Variants in WDR72 observed in about 807,000 individuals in gnomAD.
WDR72 encodes the protein WD repeat domain 72.
In WDR72, 120 loss-of-function variants were observed where a neutral mutation model predicts 124.2. The ratio of observed to expected loss-of-function variants is 0.97; its 90% CI spans 0.83 to 1.12. WDR72 has a LOEUF of 1.12. Among genes scored for constraint, WDR72 ranks in the 50% most tolerant of loss-of-function variants. The probability of loss-of-function intolerance (pLI) is 0.00; values close to 1 mark genes in which losing one functional copy is unlikely to be tolerated. For missense variants in WDR72, 1,387 were observed against 1,278.8 expected (o/e 1.08, Z -1.29); for synonymous variants, 452 against 441.7 (o/e 1.02, Z -0.29).
intron 14 of WDR72, among the ~76,000 whole-genome samples, chr15:53,630,388 A>G (rs939686088): frequency 5.3e-5 from 8 of 152,204 alleles, no homozygotes; most frequent in Admixed American, 5.2e-4. Flanking sequence ...CTGATACTGA[A>G]ACCAGACAGA....
At chr15:53,520,609 T>G (rs1891739594) in intron 19 of WDR72, among the ~76,000 whole-genome samples, 1 of 152,030 alleles carries the variant, frequency 6.6e-6, no homozygotes, top group African/African-American at 2.4e-5. Context: ...AACCCCAAAT[T>G]TGTTTCTTCT....
In WDR72 at chr15:53,735,954, C is replaced by T. The variant is rs925223304; in HGVS notation, c.-12-2793G>A. Among the ~76,000 whole-genome samples, 5 of 151,646 alleles carry T rather than the reference C, an allele frequency of 3.3e-5. No individual in the cohort carries two copies. The East Asian group carries it at 9.7e-4, about 29-fold the overall frequency. On this transcript the variant is annotated intron_variant, in intron 1 of 19. Coordinates refer to ENST00000360509, the MANE Select transcript of WDR72 (RefSeq NM_182758.4). ...ACATAATCGTTAAAATATAACAAAT[C>T]TCAAAAGGACAAATCAGAATAGACC...
rs772911926 is a variant in WDR72 at position 53,705,126 on chromosome 15, T to A, written c.1210A>T (p.Thr404Ser). The A allele has an allele frequency of 2.5e-6, 4 of 1,614,148 alleles. No individual in the cohort carries two copies. The South Asian group carries it at 4.4e-5, about 18-fold the overall frequency. ...YFSGLKDGAG[T>S]AVVTSSEYIP... ...TACTCTGATGAAGTGACTACAGCAG[T>A]TCCTGCCCCATCTTTAAGCCCAGAG... The change falls in exon 11 of 20, where the codon ACT becomes TCT. Residue 404 changes from threonine (T) to serine (S), a missense_variant. Transcript: ENST00000360509.
chr15:53,662,116 A>T (rs1284500240), intron 14 of WDR72, among the ~76,000 whole-genome samples: 1 of 152,140 alleles, frequency 6.6e-6, no homozygotes, highest in Admixed American at 6.6e-5. Flanking sequence ...CCCTACTTTG[A>T]TGCTAAATTC....
chr15:53,681,301 C>A (rs74015879), intron 13 of WDR72, among the ~76,000 whole-genome samples: 4,108 of 152,220 alleles, frequency 0.027, 102 homozygotes, highest in East Asian at 0.069. Flanking sequence ...CAGATGGCTC[C>A]TTTGGGTTTA....
At chr15:53,671,386 G>C (rs1008652038) in intron 13 of WDR72, among the ~76,000 whole-genome samples, 5 of 152,092 alleles carry the variant, frequency 3.3e-5, no homozygotes, top group Admixed American at 3.3e-4. Context: ...TTCTATCTCA[G>C]CTTCTTCACT....
intron 18 of WDR72, among the ~76,000 whole-genome samples, chr15:53,569,362 G>A (rs970585317): frequency 1.3e-5 from 2 of 151,466 alleles, no homozygotes; most frequent in African/African-American, 4.9e-5. Flanking sequence ...TGTATGCACT[G>A]TAGGTACAAG....
chr15:53,749,927 G>A (rs1422673725), intron 1 of WDR72, among the ~76,000 whole-genome samples: 2 of 152,132 alleles, frequency 1.3e-5, no homozygotes, highest in African/African-American at 4.8e-5. Flanking sequence ...TGGAAAAGCT[G>A]GAAGCTAGCT....
intron 18 of WDR72, among the ~76,000 whole-genome samples, chr15:53,523,542 A>AAAAT (rs1173056038): frequency 6.6e-6 from 1 of 152,126 alleles, no homozygotes; most frequent in Non-Finnish European, 1.5e-5. Flanking sequence ...TCTTAGAAGA[A>AAAAT]AAATAAGTTC....
At chr15:53,575,417 A>G (rs1894717772) in intron 18 of WDR72, among the ~76,000 whole-genome samples, 1 of 152,198 alleles carries the variant, frequency 6.6e-6, no homozygotes, top group African/African-American at 2.4e-5. Flanking sequence ...TGTTCTGCAA[A>G]TAAAGTTTTA....
At chr15:53,589,272 T>C (rs375291513) in intron 18 of WDR72, among the ~76,000 whole-genome samples, 2 of 151,564 alleles carry the variant, frequency 1.3e-5, no homozygotes, top group Admixed American at 6.6e-5. Flanking sequence ...GACTCTCAGA[T>C]AACACGAATT....
At chr15:53,719,977 C>T (rs1442975306) in intron 3 of WDR72, among the ~76,000 whole-genome samples, 1 of 151,984 alleles carries the variant, frequency 6.6e-6, no homozygotes, top group East Asian at 1.9e-4. Flanking sequence ...ATTAACTATA[C>T]ATATATAAAA....
intron 12 of WDR72, among the ~76,000 whole-genome samples, chr15:53,701,464 C>T (rs1391181135): frequency 6.6e-6 from 1 of 151,212 alleles, no homozygotes; most frequent in Non-Finnish European, 1.5e-5. Flanking sequence ...TCCCTGGAGC[C>T]CAGGAGGTTG....
intron 14 of WDR72, among the ~76,000 whole-genome samples, chr15:53,664,528 T>C (rs1465470206): frequency 6.6e-6 from 1 of 152,046 alleles, no homozygotes; most frequent in Non-Finnish European, 1.5e-5. Context: ...TGCCTAACTA[T>C]ATACATACAC....
At chr15:53,567,178 A>G (rs529378871) in intron 18 of WDR72, among the ~76,000 whole-genome samples, 4 of 152,096 alleles carry the variant, frequency 2.6e-5, no homozygotes, top group African/African-American at 4.8e-5. Flanking sequence ...TGTGTCCAAC[A>G]TGTGTTGGGA....
intron 18 of WDR72, among the ~76,000 whole-genome samples, chr15:53,566,115 C>A (rs766368413): frequency 1.8e-4 from 27 of 151,954 alleles, no homozygotes; most frequent in Non-Finnish European, 3.4e-4. Context: ...TTCTGCTAAG[C>A]ACTTACACTG....
chr15:53,576,097 G>C (rs1894744903), intron 18 of WDR72, among the ~76,000 whole-genome samples: 1 of 152,084 alleles, frequency 6.6e-6, no homozygotes, highest in African/African-American at 2.4e-5. Flanking sequence ...CTTTAAGCCT[G>C]CTCCATCACC....
chr15:53,702,288 C>A lies in WDR72; in HGVS notation c.1415G>T (p.Gly472Val). 6.2e-7 allele frequency: 1 copy of A among 1,613,964 alleles called. No individual in the cohort carries two copies. The highest frequency in any genetic ancestry group is 8.5e-7 in the Non-Finnish European group (1 of 1,179,986). The change falls in exon 12 of 20, where the codon GGT becomes GTT. Residue 472 changes from glycine to valine, a missense_variant. Physicochemically the swap from Gly to Val is moderately radical, Grantham distance 109. Coordinates refer to ENST00000360509, the MANE Select transcript of WDR72 (RefSeq NM_182758.4). Reference sequence around the variant, plus strand: ...ACTTTGGTCTAATTTCGAAGAGAGACCATGTGGATAGAGTAATGAAGTGAC... The same window carrying A: ...ACTTTGGTCTAATTTCGAAGAGAGAACATGTGGATAGAGTAATGAAGTGAC... ...QSVTSLLYPH[G>V]LSSKLDQSWM...
intron 18 of WDR72, among the ~76,000 whole-genome samples, chr15:53,570,796 A>AC (rs1035145908): frequency 6.6e-6 from 1 of 152,136 alleles, no homozygotes; most frequent in African/African-American, 2.4e-5. Context: ...TTATCACAGC[A>AC]CTATTCACAA....
Sources: allele counts gnomAD v4.1 joint callset (sites outside exome capture counted in the v4.1 genomes callset), GRCh38; gene constraint gnomAD v4.1.1; transcripts MANE v1.5; gene names NCBI Gene and HGNC (gene_info 2026-07-23, HGNC 2026-07-21).